The following SLC15A1 variants were observed in gnomAD, a reference collection of about 807,000 sequenced individuals.
SLC15A1 encodes solute carrier family 15 member 1.
SLC15A1 carries 83 observed loss-of-function variants against 92.9 expected under a neutral mutation model. That is an observed-to-expected ratio of 0.89 (90% CI 0.75 to 1.07). The LOEUF is 1.07. SLC15A1 is among the 50% of genes least tolerant of loss of function. SLC15A1 has a pLI of 0.00. For synonymous variants in SLC15A1, 322 were observed against 318.2 expected, an observed-to-expected ratio of 1.01 and a Z score of -0.13; for missense variants, 857 against 880.1, an observed-to-expected ratio of 0.97 and a Z score of 0.33.
At chr13:98,692,602 G>A (rs112554722) in intron 18 of SLC15A1, among the ~76,000 whole-genome samples, 3,019 of 152,132 alleles carry the variant, frequency 0.02, 44 homozygotes, top group Middle Eastern at 0.051. Flanking sequence ...CGTAATTTTG[G>A]TCAACATGGT....
At chr13:98,698,228 A>G (rs934442128) in intron 18 of SLC15A1, among the ~76,000 whole-genome samples, 2 of 152,222 alleles carry the variant, frequency 1.3e-5, no homozygotes, top group Non-Finnish European at 2.9e-5. Flanking sequence ...TCTCTTGCAG[A>G]CTGATCACAC....
intron 18 of SLC15A1, among the ~76,000 whole-genome samples, chr13:98,689,320 G>A (rs1181700929): frequency 3.9e-5 from 6 of 152,298 alleles, no homozygotes; most frequent in Middle Eastern, 3.4e-3. Context: ...GTTCCTAAAC[G>A]ACACCCCCTT....
intron 18 of SLC15A1, among the ~76,000 whole-genome samples, chr13:98,695,389 G>GT (rs1179704976): frequency 5.3e-5 from 8 of 151,746 alleles, no homozygotes; most frequent in African/African-American, 1.7e-4. Context: ...GCCAGACCCA[G>GT]TTTTTTTTGT....
Position 98,709,560 on chromosome 13 carries a change from C to T in SLC15A1, c.1067+12G>A, listed in dbSNP as rs764275787. The T allele has an allele frequency of 6.2e-7, 1 of 1,613,336 alleles. No homozygotes were observed. Among genetic ancestry groups the T allele is most frequent in the South Asian group, 1.1e-5 (1 of 90,942 alleles). The stretch of plus-strand genomic sequence containing the variant: ...AGGGAGCCTCAACCAACCCAACCCA[C>T]CCGTCACCTACGTGAAATTGAAGCC... On this transcript the variant is annotated intron_variant, in intron 14 of 22. Transcript: ENST00000376503.
In SLC15A1 at chr13:98,684,746, G is replaced by T. The variant is rs1249515090; in HGVS notation, c.2105C>A (p.Ala702Asp). The change falls in exon 23 of 23, where the codon GCC (alanine) becomes GAC (aspartate). Residue 702 changes from alanine to aspartate, a missense_variant. Ala to Asp is a moderately radical substitution (Grantham distance 126). Coordinates refer to ENST00000376503, the MANE Select transcript of SLC15A1 (RefSeq NM_005073.4). ...CCTTCACATCTGTTTCTGTGAATTG[G>T]CCCCTGACATGAAATATGGGTTACT... ...EKSNPYFMSG[A>D]NSQKQM is the part of the protein sequence containing the mutation. The T allele has an allele frequency of 6.2e-7, 1 of 1,613,790 alleles. No individual in the cohort carries two copies. Among genetic ancestry groups the T allele is most frequent in the Admixed American group, 1.7e-5 (1 of 59,972 alleles).
chr13:98,710,687 C>T (rs1431997151), intron 11 of SLC15A1, among the ~76,000 whole-genome samples: 4 of 151,110 alleles, frequency 2.6e-5, no homozygotes, highest in Non-Finnish European at 5.9e-5. Context: ...AGGTGCCTGT[C>T]ATCTCAGCTG....
In SLC15A1 at chr13:98,723,923, A is replaced by G; in HGVS notation, c.354T>C (p.Leu118=). 6.2e-7 allele frequency: 1 copy of G among 1,614,148 alleles called. No homozygotes were observed. The highest frequency in any genetic ancestry group is 8.5e-7 in the Non-Finnish European group (1 of 1,180,000). ...GAGCACCAACTCACACGTGCACAGG[A>G]AGGCTGTCGGGGGTGCCATCATGGT... ...DHNHDGTPDS[L]PVHVVLSLIG... Residue 118 remains leucine, a synonymous_variant, in exon 5 of 23, where the codon CTT becomes CTC. Transcript: ENST00000376503.
chr13:98,686,926 C>G (rs983367254), intron 21 of SLC15A1, among the ~76,000 whole-genome samples: 1 of 148,922 alleles, frequency 6.7e-6, no homozygotes, highest in African/African-American at 2.5e-5. Flanking sequence ...AGCAATAATT[C>G]TTTTAAACTT....
intron 1 of SLC15A1, among the ~76,000 whole-genome samples, chr13:98,750,754 CT>C (rs375828538): frequency 0.033 from 4,715 of 141,582 alleles, 87 homozygotes; most frequent in Admixed American, 0.071. Context: ...AAGATCTGTT[CT>C]TTTTTTTTTT....
At chr13:98,701,649 C>G (rs780330074) in intron 18 of SLC15A1, among the ~76,000 whole-genome samples, 8 of 150,182 alleles carry the variant, frequency 5.3e-5, no homozygotes, top group Non-Finnish European at 1.2e-4. Context: ...TACAGGCACA[C>G]ACCACCATAC....
chr13:98,722,880 G>T (rs1168096309), intron 5 of SLC15A1, among the ~76,000 whole-genome samples: 1 of 152,158 alleles, frequency 6.6e-6, no homozygotes, highest in Non-Finnish European at 1.5e-5. Context: ...TCCATGAAAT[G>T]AAAAATGAAA....
chr13:98,708,707 G>A lies in SLC15A1; in HGVS notation c.1128C>T (p.Ala376=), dbSNP rs770703440. The change falls in exon 15 of 23, where the codon GCC becomes GCT. Residue 376 remains alanine (A), a synonymous_variant. Transcript: ENST00000376503. ...TCACATCGATTTCCACCTGCACGAT[G>A]GCAGCCACCACAAAGGCCATGGAGG... ...VLASMAFVVA[A]IVQVEIDKTL... 1.2e-6 allele frequency: 2 copies of A among 1,613,466 alleles called. No individual in the cohort carries two copies.
At chr13:98,717,691 TA>T (rs2088221809) in intron 8 of SLC15A1, among the ~76,000 whole-genome samples, 1 of 152,154 alleles carries the variant, frequency 6.6e-6, no homozygotes, top group African/African-American at 2.4e-5. Context: ...AGCTCTCACC[TA>T]AATGAAAGGG....
chr13:98,752,466 C>G (rs144317861), intron 1 of SLC15A1, 129 bp downstream of exon 1: 4 of 878,320 alleles, frequency 4.6e-6, no homozygotes, highest in South Asian at 9.5e-5. Flanking sequence ...TCCCGGCCCC[C>G]GTGGGCCTTC....
chr13:98,736,444 G>A (rs917678897), intron 1 of SLC15A1, among the ~76,000 whole-genome samples: 1 of 152,142 alleles, frequency 6.6e-6, no homozygotes. Context: ...AGAACTTCAC[G>A]AGTAAAACAC....
intron 7 of SLC15A1, among the ~76,000 whole-genome samples, chr13:98,719,735 G>C (rs2088240179): frequency 6.6e-6 from 1 of 152,166 alleles, no homozygotes; most frequent in African/African-American, 2.4e-5. Context: ...CTAGGGCAGG[G>C]GTTGGCACAC....
At chr13:98,730,596 T>G (rs917817636) in intron 1 of SLC15A1, among the ~76,000 whole-genome samples, 10 of 152,102 alleles carry the variant, frequency 6.6e-5, no homozygotes, top group African/African-American at 2.4e-4. Flanking sequence ...AACAACCAAA[T>G]GAGGATGACC....
At chr13:98,709,443 GT>G in intron 14 of SLC15A1, 128 bp downstream of exon 14, 2 of 693,112 alleles carry the variant, frequency 2.9e-6, no homozygotes, top group Non-Finnish European at 5.0e-6. Context: ...ACGAACATTT[GT>G]TTTCTTCATT....
At position 98,706,151 on chromosome 13, in the gene SLC15A1, GT is replaced by G. The variant is rs1445347798; in HGVS notation, c.1251del (p.Gly419AlafsTer10). On this transcript the variant is annotated frameshift_variant, in exon 16 of 23. Coordinates refer to ENST00000376503, the MANE Select transcript of SLC15A1 (RefSeq NM_005073.4). LOFTEE classifies it high-confidence loss of function. ...MNISLPGEMVTLGPMSQTNAF... is the reference protein window; with the variant it reads ...MNISLPGEMVXLGPMSQTNAF... The stretch of plus-strand genomic sequence containing the variant: ...CTACTTACTTGAGACATTGGGCCAA[GT>G]GTCACCATCTCTCCAGGAAGAGATA... 1.2e-6 allele frequency: 2 copies of G among 1,611,532 alleles called. No individual in the cohort carries two copies.
Sources: allele counts gnomAD v4.1 joint callset (sites outside exome capture counted in the v4.1 genomes callset), GRCh38; gene constraint gnomAD v4.1.1; transcripts MANE v1.5; gene names NCBI Gene and HGNC (gene_info 2026-07-23, HGNC 2026-07-21).